Variants in RAB26 observed in about 807,000 individuals in gnomAD.
The protein encoded by RAB26 is ras-related protein Rab-26.
A neutral mutation model predicts 33.1 loss-of-function variants in RAB26; 39 were observed. That is an observed-to-expected ratio of 1.18 (90% CI 0.91 to 1.54). The LOEUF is 1.54. Ranked by LOEUF, RAB26 falls within the 40% of genes most tolerant of loss-of-function variation. The pLI, the probability that RAB26 is intolerant of heterozygous loss-of-function variation, is 0.00. For missense variants in RAB26, 468 were observed against 362.9 expected, an observed-to-expected ratio of 1.29 and a Z score of -2.35; for synonymous variants, 192 against 151.9, an observed-to-expected ratio of 1.26 and a Z score of -1.94.
chr16:2,148,691 G>T lies in RAB26; in HGVS notation c.-93G>T. ...CCGCCGCCGCCGCCGCCAGGGGAAG[G>T]GTTCGGGTCCGGGTCGGGCTCGGCG... On this transcript the variant is annotated 5_prime_UTR_variant, in exon 1 of 9. Transcript: ENST00000210187. 9.0e-7 allele frequency: 1 copy of T among 1,116,964 alleles called. No homozygotes were observed. The highest frequency in any genetic ancestry group is 1.6e-5 in the African/African-American group (1 of 60,660). 69.2% of individuals were successfully genotyped at this position (1,116,964 alleles called of 1,614,324 possible). A position where few individuals can be genotyped will look rare whatever the true frequency, so the allele number is the denominator to read the frequency against.
At position 2,153,742 on chromosome 16, in the gene RAB26, C is replaced by T; in HGVS notation, c.*321C>T. 1.8e-6 allele frequency: 1 copy of T among 552,636 alleles called. No homozygotes were observed. The highest frequency in any genetic ancestry group is 3.4e-6 in the Non-Finnish European group (1 of 290,414). 34.2% of individuals were successfully genotyped at this position (552,636 alleles called of 1,614,324 possible). ...CCAGGTGAGGGAGGGCTGGGGCTGG[C>T]ACCACGCACAGTGCCTAACCCTAGA... On this transcript the variant is annotated 3_prime_UTR_variant, in exon 9 of 9. Transcript: ENST00000210187.
chr16:2,151,134 G>T (rs779928831), intron 2 of RAB26: 5 of 446,622 alleles, frequency 1.1e-5, no homozygotes, highest in Admixed American at 5.1e-5. Flanking sequence ...TTGAAGCAGG[G>T]TCTCACTCTG....
At position 2,153,053 on chromosome 16, in the gene RAB26, A is replaced by C. The variant is rs377036969; in HGVS notation, c.591+8A>C. 6.2e-7 allele frequency: 1 copy of C among 1,607,972 alleles called. No homozygotes were observed. Among genetic ancestry groups the C allele is most frequent in the African/African-American group, 1.3e-5 (1 of 74,842 alleles). The stretch of plus-strand genomic sequence containing the variant: ...GGGGAGAAGCTGGCCAAGGTGAGTC[A>C]GGGCAGGGGGGTGGTGAGGGGGTGC... On this transcript the variant is annotated splice_region_variant and intron_variant, in intron 7 of 8. Transcript: ENST00000210187.
intron 5 of RAB26, 70 bp downstream of exon 5, chr16:2,151,978 G>A: frequency 1.3e-6 from 2 of 1,585,214 alleles, no homozygotes; most frequent in Non-Finnish European, 1.7e-6. Context: ...CCTTCTGGTA[G>A]ATGGCATCAG....
rs1286226597 is a variant in RAB26, at chr16:2,151,593, G to A, written c.331G>A (p.Val111Met). 1.9e-6 allele frequency: 3 copies of A among 1,613,876 alleles called. No homozygotes were observed. The highest frequency in any genetic ancestry group is 1.7e-5 in the Admixed American group (1 of 60,014). The change falls in exon 3 of 9, where the codon GTG becomes ATG. Residue 111 changes from valine (V) to methionine (M), a missense_variant. Physicochemically the swap from Val to Met is conservative, Grantham distance 21. Coordinates refer to ENST00000210187, the MANE Select transcript of RAB26 (RefSeq NM_014353.5). ...FRNKVLDVDG[V>M]KVKLQMWDTA... ...GAACAAAGTTCTGGACGTGGATGGTGTGAAGGTGAAGCTGCAGGTAAGGTG... is the reference window on the plus strand; with the variant it reads ...GAACAAAGTTCTGGACGTGGATGGTATGAAGGTGAAGCTGCAGGTAAGGTG...
chr16:2,149,870 C>T (rs931234614), intron 1 of RAB26, 71 bp from the exon 2 acceptor site: 3 of 1,241,648 alleles, frequency 2.4e-6, no homozygotes, highest in Non-Finnish European at 2.2e-6. Flanking sequence ...CTGCTCCTCA[C>T]CTGCAGCCCC....
Position 2,152,955 on chromosome 16 carries a change from G to A in RAB26, c.535-34G>A, listed in dbSNP as rs777142965. On this transcript the variant is annotated intron_variant, in intron 6 of 8. Coordinates refer to ENST00000210187, the MANE Select transcript of RAB26 (RefSeq NM_014353.5). ...GTGAGGGGGCAGGGGCCAACCATGG[G>A]CCAGCTTTCACCAAGACCCTGTGCC... is the stretch of plus-strand genomic sequence containing the variant. 9 of 1,582,682 alleles carry A rather than the reference G, an allele frequency of 5.7e-6. No individual in the cohort carries two copies. In the Admixed American group the frequency reaches 1.4e-4, roughly 25 times the overall value.
Position 2,153,656 on chromosome 16 carries a change from A to G in RAB26, c.*235A>G. 1 of 661,966 alleles carries G rather than the reference A, an allele frequency of 1.5e-6. No homozygotes were observed. The highest frequency in any genetic ancestry group is 2.8e-6 in the Non-Finnish European group (1 of 359,940). 41.0% of individuals were successfully genotyped at this position (661,966 alleles called of 1,614,324 possible). On this transcript the variant is annotated 3_prime_UTR_variant, in exon 9 of 9. Coordinates refer to ENST00000210187, the MANE Select transcript of RAB26 (RefSeq NM_014353.5). Reference sequence around the variant, plus strand: ...ACGGAAAAGCAGTCTTCTGCACGGGACGGGGAGCGGCAAGTGGACAGACTT... The same window carrying G: ...ACGGAAAAGCAGTCTTCTGCACGGGGCGGGGAGCGGCAAGTGGACAGACTT...
Position 2,153,345 on chromosome 16 carries a change from C to A in RAB26, c.695C>A (p.Ala232Asp). The A allele has an allele frequency of 6.2e-7, 1 of 1,613,530 alleles. No individual in the cohort carries two copies. The highest frequency in any genetic ancestry group is 8.5e-7 in the Non-Finnish European group (1 of 1,180,024). Residue 232 changes from alanine (A) to aspartate (D), a missense_variant, in exon 9 of 9, where the codon GCT becomes GAT. By Grantham distance (126) the Ala-to-Asp change is moderately radical (BLOSUM62 -2). Transcript: ENST00000210187. ...GAGTTGAAGCAGCGCTCCATGAAGG[C>A]TCCCAGCGAGCCGCGCTTCCGGCTG... ...AKELKQRSMK[A>D]PSEPRFRLHD...
rs923552224 is a variant in RAB26 at position 2,151,483 on chromosome 16, C to T, written c.307-86C>T. ...GGGCTGGACCTGGGAGCTGGGAGGT[C>T]TCAGGGGACAGGAAGGCAGTGAAGC... is the stretch of plus-strand genomic sequence containing the variant. On this transcript the variant is annotated intron_variant, in intron 2 of 8. Transcript: ENST00000210187. 4.4e-6 allele frequency: 7 copies of T among 1,594,758 alleles called. No individual in the cohort carries two copies. In the Admixed American group the frequency reaches 6.7e-5, roughly 15 times the overall value.
intron 2 of RAB26, chr16:2,151,322 G>A (rs1383410972): frequency 3.2e-6 from 2 of 617,352 alleles, no homozygotes; most frequent in Admixed American, 2.5e-5. Flanking sequence ...GTCAGTAAGA[G>A]GCCTGGTGGG....
At position 2,153,299 on chromosome 16, in the gene RAB26, T is replaced by C. The variant is rs755521389; in HGVS notation, c.669-20T>C. 2.5e-6 allele frequency: 4 copies of C among 1,613,514 alleles called. No homozygotes were observed. The African/African-American group carries it at 4.0e-5, about 16-fold the overall frequency. On this transcript the variant is annotated intron_variant, in intron 8 of 8. Transcript: ENST00000210187. ...TTAGAGTCCAGGCCATCGTGTCCCC[T>C]TGTCACCCCCACTCCGCAGGGAGTT...
At chr16:2,152,271 G>A (rs371500994) in intron 5 of RAB26, among the ~76,000 whole-genome samples, 6 of 152,262 alleles carry the variant, frequency 3.9e-5, no homozygotes, top group East Asian at 3.9e-4. Context: ...TTAGCCGGGC[G>A]TTTTGGCACA....
intron 2 of RAB26, chr16:2,151,269 G>T (rs36234): frequency 1.8e-6 from 1 of 568,738 alleles, no homozygotes; most frequent in Non-Finnish European, 3.3e-6. Context: ...GTTGCAGCTC[G>T]TTAGTTACTG....
chr16:2,153,593 G>A lies in RAB26; in HGVS notation c.*172G>A. On this transcript the variant is annotated 3_prime_UTR_variant, in exon 9 of 9. Coordinates refer to ENST00000210187, the MANE Select transcript of RAB26 (RefSeq NM_014353.5). ...CTCCTCCCAGCAACAGTCCCAACAA[G>A]CAGGCTTCTGAGAGCCCGTGGCCGC... 1 of 677,400 alleles carries A rather than the reference G, an allele frequency of 1.5e-6. No individual in the cohort carries two copies. The highest frequency in any genetic ancestry group is 2.6e-6 in the Non-Finnish European group (1 of 386,402). The allele number at this position is 677,400 out of a possible 1,614,324, so 42.0% of individuals were successfully genotyped here. A position where few individuals can be genotyped will look rare whatever the true frequency, so the allele number is the denominator to read the frequency against.
Position 2,148,685 on chromosome 16 carries a change from G to A in RAB26, c.-99G>A, listed in dbSNP as rs2092994137. 5 of 921,232 alleles carry A rather than the reference G, an allele frequency of 5.4e-6. No individual in the cohort carries two copies. The highest frequency in any genetic ancestry group is 6.9e-6 in the Non-Finnish European group (5 of 729,284). The allele number at this position is 921,232 out of a possible 1,614,324, so 57.1% of individuals were successfully genotyped here. A position where few individuals can be genotyped will look rare whatever the true frequency, so the allele number is the denominator to read the frequency against. ...CCGCCGCCGCCGCCGCCGCCGCCAG[G>A]GGAAGGGTTCGGGTCCGGGTCGGGC... is the stretch of plus-strand genomic sequence containing the variant. On this transcript the variant is annotated 5_prime_UTR_variant, in exon 1 of 9. Transcript: ENST00000210187.
chr16:2,148,716 G>A lies in RAB26; in HGVS notation c.-68G>A. On this transcript the variant is annotated 5_prime_UTR_variant, in exon 1 of 9. Transcript: ENST00000210187. ...GGTTCGGGTCCGGGTCGGGCTCGGCGGGCGCGGGGTGCGGGACGGCCCAGG... is the reference window on the plus strand; with the variant it reads ...GGTTCGGGTCCGGGTCGGGCTCGGCAGGCGCGGGGTGCGGGACGGCCCAGG... 8.3e-7 allele frequency: 1 copy of A among 1,201,512 alleles called. No homozygotes were observed. The highest frequency in any genetic ancestry group is 4.4e-5 in the Admixed American group (1 of 22,842). 74.4% of individuals were successfully genotyped at this position (1,201,512 alleles called of 1,614,324 possible). A position where few individuals can be genotyped will look rare whatever the true frequency, so the allele number is the denominator to read the frequency against.
Position 2,148,910 on chromosome 16 carries a change from A to G in RAB26, c.127A>G (p.Asn43Asp). 2 of 1,324,172 alleles carry G rather than the reference A, an allele frequency of 1.5e-6. No homozygotes were observed. 82.0% of individuals were successfully genotyped at this position (1,324,172 alleles called of 1,614,324 possible). A position where few individuals can be genotyped will look rare whatever the true frequency, so the allele number is the denominator to read the frequency against. Residue 43 changes from asparagine to aspartate, a missense_variant, in exon 1 of 9, where the codon AAC (asparagine) becomes GAC (aspartate). Asn to Asp is a conservative substitution (Grantham distance 23). Coordinates refer to ENST00000210187, the MANE Select transcript of RAB26 (RefSeq NM_014353.5). ...TALSGPDAPP[N>D]GPLQPGRPSL... The stretch of plus-strand genomic sequence containing the variant: ...GCTTTCCGGCCCCGACGCGCCGCCC[A>G]ACGGGCCCTTGCAGCCCGGCCGGCC...
At chr16:2,152,225 C>T (rs1183808524) in intron 5 of RAB26, among the ~76,000 whole-genome samples, 2 of 152,232 alleles carry the variant, frequency 1.3e-5, no homozygotes, top group Non-Finnish European at 2.9e-5. Context: ...GCCTGGCCAA[C>T]ATGAGGAAAC....
Sources: gnomAD v4.1 joint callset for allele counts (sites outside exome capture counted in the v4.1 genomes callset) on GRCh38, gnomAD v4.1.1 for gene constraint, MANE v1.5 for transcripts, NCBI Gene and HGNC (gene_info 2026-07-23, HGNC 2026-07-21) for gene names.